Variants in GARIN1A observed in about 807,000 individuals in gnomAD.
The protein encoded by GARIN1A is Golgi-associated RAB2 interactor protein 1A.
At chr7:128,694,329 C>G in the GARIN1A span, among the ~76,000 whole-genome samples, 1 of 151,974 alleles carries the variant, frequency 6.6e-6, no homozygotes, top group Non-Finnish European at 1.5e-5. Flanking sequence ...GTCAGGAGTT[C>G]AAGACTAGCC....
At chr7:128,705,435 G>A in the GARIN1A span, among the ~76,000 whole-genome samples, 1 of 152,108 alleles carries the variant, frequency 6.6e-6, no homozygotes, top group Non-Finnish European at 1.5e-5. Context: ...TCTCACAGCT[G>A]CACATCGGGG....
the GARIN1A span, among the ~76,000 whole-genome samples, chr7:128,692,185 G>A: frequency 6.6e-6 from 1 of 152,152 alleles, no homozygotes; most frequent in Non-Finnish European, 1.5e-5. Context: ...TAATTGATGT[G>A]GTTCTGTGCC....
the GARIN1A span, among the ~76,000 whole-genome samples, chr7:128,699,816 A>G: frequency 6.6e-6 from 1 of 152,218 alleles, no homozygotes; most frequent in African/African-American, 2.4e-5. Context: ...AGGCATTAAA[A>G]TCACCTTCTG....
At chr7:128,680,040 A>T in the GARIN1A span, 1 of 1,563,364 alleles carries the variant, frequency 6.4e-7, no homozygotes, top group Non-Finnish European at 8.7e-7. Flanking sequence ...GCCTGAAAAC[A>T]GCCTCCTGTC....
At chr7:128,679,074 ATAAC>A in the GARIN1A span, among the ~76,000 whole-genome samples, 3 of 151,448 alleles carry the variant, frequency 2.0e-5, no homozygotes, top group African/African-American at 7.3e-5. Flanking sequence ...GTAGTTATAT[ATAAC>A]ACAAGATTGT....
the GARIN1A span, chr7:128,672,601 TC>T: frequency 8.1e-7 from 1 of 1,234,314 alleles, no homozygotes; most frequent in Non-Finnish European, 1.1e-6. Context: ...CAAAACCTGT[TC>T]CTAGGGGTTG....
chr7:128,704,087 C>T, the GARIN1A span, among the ~76,000 whole-genome samples: 1 of 152,124 alleles, frequency 6.6e-6, no homozygotes, highest in African/African-American at 2.4e-5. Flanking sequence ...AAAGAGCTCA[C>T]TCAGTTGCTT....
chr7:128,679,626 T>C, the GARIN1A span, among the ~76,000 whole-genome samples: 1 of 152,180 alleles, frequency 6.6e-6, no homozygotes, highest in Non-Finnish European at 1.5e-5. Context: ...CAGGTCCTGC[T>C]TGGTGTAGAA....
At chr7:128,692,217 G>A in the GARIN1A span, among the ~76,000 whole-genome samples, 1 of 152,196 alleles carries the variant, frequency 6.6e-6, no homozygotes, top group African/African-American at 2.4e-5. Context: ...AAGCTGCGTA[G>A]GGAAACGTGC....
chr7:128,708,713 C>A, the GARIN1A span, among the ~76,000 whole-genome samples: 3 of 151,986 alleles, frequency 2.0e-5, no homozygotes, highest in Non-Finnish European at 4.4e-5. Context: ...TCTTTTCTAC[C>A]CTTTGGCCAC....
the GARIN1A span, chr7:128,675,576 C>A: frequency 1.6e-6 from 2 of 1,274,610 alleles, no homozygotes; most frequent in Non-Finnish European, 2.2e-6. Context: ...CCAGTGTGTG[C>A]ACACCTGCCC....
At chr7:128,697,665 G>A in the GARIN1A span, 1 of 156,092 alleles carries the variant, frequency 6.4e-6, no homozygotes, top group Non-Finnish European at 1.4e-5. Flanking sequence ...CCTCCTGGTG[G>A]GGGTCCGCCA....
At chr7:128,690,998 A>G in the GARIN1A span, 1 of 152,256 alleles carries the variant, frequency 6.6e-6, no homozygotes, top group Non-Finnish European at 1.5e-5. Flanking sequence ...GAATAGGACT[A>G]TTAAGCCAAG....
At chr7:128,705,655 GTTTTTTTTTTTTTTTTTTT>G in the GARIN1A span, among the ~76,000 whole-genome samples, 3 of 61,498 alleles carry the variant, frequency 4.9e-5, no homozygotes, top group Admixed American at 7.0e-4. Context: ...TTTTTTTGGT[GTTTTTTTTTTTTTTTTTTT>G]TTTTTTTTGA....
At chr7:128,707,275 C>T in the GARIN1A span, among the ~76,000 whole-genome samples, 1 of 146,098 alleles carries the variant, frequency 6.8e-6, no homozygotes, top group South Asian at 2.2e-4. Context: ...TAAGATCTAC[C>T]CTCTTGGGAA....
the GARIN1A span, among the ~76,000 whole-genome samples, chr7:128,707,037 T>A: frequency 2.5e-4 from 38 of 152,028 alleles, no homozygotes; most frequent in African/African-American, 8.0e-4. Context: ...TTTTTTTTTT[T>A]AACCATTTTA....
the GARIN1A span, among the ~76,000 whole-genome samples, chr7:128,674,983 A>G: frequency 6.6e-6 from 1 of 152,206 alleles, no homozygotes; most frequent in South Asian, 2.1e-4. Context: ...CCTTGGGAAC[A>G]TAGGCGTCCC....
At chr7:128,704,416 T>C in the GARIN1A span, among the ~76,000 whole-genome samples, 1 of 152,100 alleles carries the variant, frequency 6.6e-6, no homozygotes, top group African/African-American at 2.4e-5. Context: ...GCAGTTCTCT[T>C]GCCTGAGCCT....
the GARIN1A span, chr7:128,678,011 G>GTTT: frequency 4.8e-5 from 8 of 165,338 alleles, no homozygotes; most frequent in South Asian, 9.5e-5. Context: ...ATTTAGAAAT[G>GTTT]TTTCTTTTTT....
Sources: allele counts gnomAD v4.1 joint callset (sites outside exome capture counted in the v4.1 genomes callset), GRCh38; gene constraint gnomAD v4.1.1; transcripts MANE v1.5; gene names NCBI Gene and HGNC (gene_info 2026-07-23, HGNC 2026-07-21).